TPH2: variants seen among roughly 807,000 people sequenced by gnomAD.
TPH2 encodes tryptophan hydroxylase 2, also known as tryptophan 5-hydroxylase 2.
Under a neutral mutation model 59.1 loss-of-function variants are expected in TPH2, and 27 were observed. The observed-to-expected ratio is 0.46, with a 90% CI of 0.34 to 0.63. The LOEUF (loss-of-function observed/expected upper bound fraction) is 0.63. TPH2 is among the 30% of genes least tolerant of loss of function. TPH2 has a pLI of 0.01. For synonymous variants in TPH2, 220 were observed against 210.5 expected (o/e 1.05, Z -0.39); for missense variants, 523 against 588.3 (o/e 0.89, Z 1.15).
chr12:71,977,405 A>G (rs1210422288), intron 6 of TPH2, among the ~76,000 whole-genome samples: 5 of 152,116 alleles, frequency 3.3e-5, no homozygotes, highest in Non-Finnish European at 7.4e-5. Flanking sequence ...ATAATATCAT[A>G]TTACATAAGG....
intron 5 of TPH2, among the ~76,000 whole-genome samples, chr12:71,971,689 C>T (rs1016130772): frequency 2.6e-5 from 4 of 152,214 alleles, no homozygotes; most frequent in Non-Finnish European, 5.9e-5. Context: ...CTGACTACTT[C>T]AGTCCAGCAC....
intron 6 of TPH2, among the ~76,000 whole-genome samples, chr12:71,974,492 C>G (rs927523546): frequency 1.3e-5 from 2 of 151,524 alleles, no homozygotes; most frequent in Admixed American, 1.3e-4. Flanking sequence ...TGTCACATCT[C>G]CTTCTCTGAC....
chr12:71,947,024 G>C (rs1335306541), intron 4 of TPH2, among the ~76,000 whole-genome samples: 1 of 152,158 alleles, frequency 6.6e-6, no homozygotes, highest in African/African-American at 2.4e-5. Flanking sequence ...CACTCATAAG[G>C]TGTTTGTTAA....
At chr12:71,970,113 A>C (rs771473052) in intron 5 of TPH2, among the ~76,000 whole-genome samples, 25 of 152,244 alleles carry the variant, frequency 1.6e-4, no homozygotes, top group Non-Finnish European at 3.5e-4. Context: ...AGATAAAACT[A>C]GTATTTACTT....
At chr12:71,961,171 A>G (rs1871671584) in intron 5 of TPH2, among the ~76,000 whole-genome samples, 1 of 152,142 alleles carries the variant, frequency 6.6e-6, no homozygotes. Context: ...TAGCCTTCCT[A>G]TAGCTGAGTC....
chr12:71,985,726 G>A (rs1195935997), intron 7 of TPH2, among the ~76,000 whole-genome samples: 2 of 151,988 alleles, frequency 1.3e-5, no homozygotes, highest in South Asian at 2.1e-4. Flanking sequence ...ACTTTTATTT[G>A]GTGACCCTGA....
intron 5 of TPH2, chr12:71,961,627 G>A (rs940987657): frequency 7.4e-7 from 1 of 1,352,076 alleles, no homozygotes; most frequent in Non-Finnish European, 9.8e-7. Flanking sequence ...TTGAGCTCAA[G>A]CTCCTTGTGT....
chr12:71,980,938 A>T (rs6582075), intron 7 of TPH2, among the ~76,000 whole-genome samples: 90,262 of 151,892 alleles, frequency 0.59, 27,139 homozygotes, highest in African/African-American at 0.66. Context: ...TTTAAAAAAA[A>T]TTTTTTTTAA....
chr12:71,954,500 G>A (rs1326913551), intron 5 of TPH2, among the ~76,000 whole-genome samples: 1 of 152,090 alleles, frequency 6.6e-6, no homozygotes, highest in African/African-American at 2.4e-5. Flanking sequence ...CAGGAAAAAA[G>A]TACCCCATGA....
At chr12:72,000,082 G>T (rs1351832149) in intron 8 of TPH2, among the ~76,000 whole-genome samples, 1 of 152,174 alleles carries the variant, frequency 6.6e-6, no homozygotes, top group African/African-American at 2.4e-5. Flanking sequence ...ATGTGTCAAA[G>T]ATTTATTTAA....
intron 9 of TPH2, among the ~76,000 whole-genome samples, chr12:72,029,835 GAAC>G (rs1873673357): frequency 1.3e-5 from 2 of 152,126 alleles, no homozygotes; most frequent in Non-Finnish European, 2.9e-5. Context: ...CAAACTTAGG[GAAC>G]CACAGACTTC....
chr12:72,016,299 G>A (rs11179050), intron 8 of TPH2, among the ~76,000 whole-genome samples: 79,379 of 151,826 alleles, frequency 0.52, 21,551 homozygotes, highest in Non-Finnish European at 0.61. Flanking sequence ...TAGTGATAAC[G>A]TCAATATGGA....
chr12:71,956,532 TTTCCCTCC>T (rs1181403934), intron 5 of TPH2, among the ~76,000 whole-genome samples: 3 of 122,236 alleles, frequency 2.5e-5, no homozygotes, highest in East Asian at 2.7e-4. Context: ...TCCCTCCTTC[TTTCCCTCC>T]TTCCCTCCTT....
At chr12:72,007,313 T>C (rs533958956) in intron 8 of TPH2, among the ~76,000 whole-genome samples, 1 of 152,278 alleles carries the variant, frequency 6.6e-6, no homozygotes, top group East Asian at 1.9e-4. Flanking sequence ...TGAAAAAATA[T>C]TGTTTGTGCC....
intron 8 of TPH2, among the ~76,000 whole-genome samples, chr12:72,010,658 C>T (rs994449496): frequency 1.3e-5 from 2 of 152,178 alleles, no homozygotes; most frequent in African/African-American, 4.8e-5. Context: ...AAAGTGCAAG[C>T]TCCTTAGACC....
intron 7 of TPH2, among the ~76,000 whole-genome samples, chr12:71,991,330 G>C (rs1190228123): frequency 1.3e-5 from 2 of 152,182 alleles, no homozygotes; most frequent in Non-Finnish European, 2.9e-5. Flanking sequence ...ACTGCACCAA[G>C]CATCTACCAC....
chr12:71,990,917 T>G (rs902512201), intron 7 of TPH2, among the ~76,000 whole-genome samples: 1 of 152,234 alleles, frequency 6.6e-6, no homozygotes, highest in African/African-American at 2.4e-5. Context: ...CATTAATAAT[T>G]CTGCTAGACA....
In TPH2 at chr12:71,944,188, T is replaced by C. The variant is rs540349885; in HGVS notation, c.256-106T>C. ...AAAGAACAAAGAGATTGTCTCTTCC[T>C]CTTGTGTGGGTACTTGGCACCTTGC... On this transcript the variant is annotated intron_variant, in intron 2 of 10. Coordinates refer to ENST00000333850, the MANE Select transcript of TPH2 (RefSeq NM_173353.4). The C allele has an allele frequency of 2.7e-5, 31 of 1,129,838 alleles. No individual in the cohort carries two copies. The South Asian group carries it at 4.0e-4, about 15-fold the overall frequency. 70.0% of individuals were successfully genotyped at this position (1,129,838 alleles called of 1,614,324 possible).
chr12:71,946,734 C>T (rs184842255), intron 4 of TPH2, among the ~76,000 whole-genome samples: 2 of 152,064 alleles, frequency 1.3e-5, no homozygotes, highest in South Asian at 4.1e-4. Flanking sequence ...ACACAGGGAC[C>T]GTTGTGATAG....
Sources: gnomAD v4.1 joint callset for allele counts (sites outside exome capture counted in the v4.1 genomes callset) on GRCh38, gnomAD v4.1.1 for gene constraint, MANE v1.5 for transcripts, NCBI Gene and HGNC (gene_info 2026-07-23, HGNC 2026-07-21) for gene names.